The following UPK1B variants were observed in gnomAD, a reference collection of about 807,000 sequenced individuals.
The protein encoded by UPK1B is uroplakin 1B.
In UPK1B, 28 loss-of-function variants were observed where a neutral mutation model predicts 34.2. The observed-to-expected ratio is 0.82, with a 90% confidence interval of 0.61 to 1.12. The LOEUF (loss-of-function observed/expected upper bound fraction) is 1.12, where lower values mean the gene tolerates loss of function less well. Ranked by LOEUF, UPK1B falls within the 50% of genes most tolerant of loss-of-function variation. UPK1B has a pLI of 0.00. For missense variants in UPK1B, 325 were observed against 320.9 expected (o/e 1.01, Z -0.10); for synonymous variants, 81 against 110.4 (o/e 0.73, Z 1.67).
At chr3:119,187,535 T>C (rs944473491) in intron 2 of UPK1B, among the ~76,000 whole-genome samples, 2 of 152,056 alleles carry the variant, frequency 1.3e-5, no homozygotes, top group Non-Finnish European at 2.9e-5. Flanking sequence ...CCCAAGGACA[T>C]TGTGGATGGT....
intron 6 of UPK1B, 123 bp from the exon 7 acceptor site, chr3:119,198,934 G>C: frequency 9.8e-7 from 1 of 1,025,186 alleles, no homozygotes; most frequent in East Asian, 2.6e-5. Flanking sequence ...TGTGGAAATA[G>C]CCTGGATATG....
intron 3 of UPK1B, among the ~76,000 whole-genome samples, chr3:119,188,574 C>T (rs1379743862): frequency 6.6e-6 from 1 of 152,328 alleles, no homozygotes; most frequent in East Asian, 1.9e-4. Flanking sequence ...CTTCAGCTCA[C>T]ACCTGCCTGT....
chr3:119,185,726 C>T (rs991301348), intron 1 of UPK1B, among the ~76,000 whole-genome samples: 3 of 152,164 alleles, frequency 2.0e-5, no homozygotes, highest in African/African-American at 4.8e-5. Context: ...TTATTTACAG[C>T]AGGAATGCAT....
chr3:119,203,200 G>C (rs1230180075), intron 7 of UPK1B, among the ~76,000 whole-genome samples: 1 of 151,710 alleles, frequency 6.6e-6, no homozygotes, highest in Non-Finnish European at 1.5e-5. Flanking sequence ...AATTAGCCGG[G>C]CATGGTGGCG....
intron 1 of UPK1B, among the ~76,000 whole-genome samples, chr3:119,179,507 CTTTTTTTTT>C (rs71297415): frequency 1.9e-5 from 1 of 52,256 alleles, no homozygotes; most frequent in Non-Finnish European, 3.7e-5. Context: ...ATGTTGCAGT[CTTTTTTTTT>C]TTTTTTTTTT....
At chr3:119,203,460 C>T (rs1415513163) in intron 7 of UPK1B, among the ~76,000 whole-genome samples, 6 of 150,266 alleles carry the variant, frequency 4.0e-5, no homozygotes, top group East Asian at 2.0e-4. Context: ...CTATGGAATA[C>T]TATGCAGCCA....
chr3:119,190,969 C>T lies in UPK1B; in HGVS notation c.346-13C>T, dbSNP rs1478723064. On this transcript the variant is annotated splice_polypyrimidine_tract_variant and intron_variant, in intron 4 of 7. Coordinates refer to ENST00000264234, the MANE Select transcript of UPK1B (RefSeq NM_006952.4). ...GCTATCTCTCCCTCTTGTGTTGCCTCTTCCTACTATAGTTCACACCCAACC... is the reference window on the plus strand; with the variant it reads ...GCTATCTCTCCCTCTTGTGTTGCCTTTTCCTACTATAGTTCACACCCAACC... 3.7e-6 allele frequency: 6 copies of T among 1,613,112 alleles called. No individual in the cohort carries two copies. In the African/African-American group the frequency reaches 6.7e-5, roughly 18 times the overall value.
intron 3 of UPK1B, 125 bp downstream of exon 3, chr3:119,188,100 G>A: frequency 9.8e-7 from 1 of 1,015,244 alleles, no homozygotes; most frequent in South Asian, 1.4e-5. Context: ...GGGTGAGGAG[G>A]GGAAGACTTT....
At chr3:119,184,387 C>T (rs797004364) in intron 1 of UPK1B, among the ~76,000 whole-genome samples, 15 of 152,174 alleles carry the variant, frequency 9.9e-5, no homozygotes, top group African/African-American at 3.1e-4. Context: ...TTGATGTGCA[C>T]GGTCATTTTT....
chr3:119,198,785 G>A (rs1194408049), intron 6 of UPK1B, among the ~76,000 whole-genome samples: 1 of 152,140 alleles, frequency 6.6e-6, no homozygotes, highest in Non-Finnish European at 1.5e-5. Flanking sequence ...TATAGAAAGA[G>A]GGTTATGCTA....
intron 6 of UPK1B, among the ~76,000 whole-genome samples, chr3:119,196,065 A>G (rs1210036019): frequency 6.6e-6 from 1 of 152,094 alleles, no homozygotes; most frequent in Non-Finnish European, 1.5e-5. Context: ...CTACAAATTC[A>G]TCATCACTCA....
chr3:119,175,989 T>G (rs1201965100), intron 1 of UPK1B: 2 of 152,198 alleles, frequency 1.3e-5, no homozygotes, highest in Non-Finnish European at 2.9e-5. Flanking sequence ...CTCTTTTTGT[T>G]ATTTCCAGGG....
intron 1 of UPK1B, among the ~76,000 whole-genome samples, chr3:119,184,300 G>A (rs1231403169): frequency 4.6e-5 from 7 of 152,120 alleles, no homozygotes; most frequent in Non-Finnish European, 8.8e-5. Flanking sequence ...CTTGATCGGG[G>A]CCCCTGCAGT....
At chr3:119,185,573 T>C (rs1383301779) in intron 1 of UPK1B, among the ~76,000 whole-genome samples, 1 of 149,344 alleles carries the variant, frequency 6.7e-6, no homozygotes, top group Non-Finnish European at 1.5e-5. Context: ...ACTCTCACAA[T>C]ATTTCATCTC....
rs554174700 is a variant in UPK1B, at chr3:119,177,303, T to G, written c.-29+3665T>G. ...GCTCACAGGTGGGAGGTCAAGAGTT[T>G]CTCTTAATTTAAAAAGACGTAAAGG... On this transcript the variant is annotated intron_variant, in intron 1 of 7. Coordinates refer to ENST00000264234, the MANE Select transcript of UPK1B (RefSeq NM_006952.4). Among the ~76,000 whole-genome samples the G allele has an allele frequency of 2.8e-4, 42 of 152,312 alleles. 1 individual carries two copies. The highest frequency in any genetic ancestry group is 8.2e-4 in the African/African-American group (34 of 41,548).
intron 6 of UPK1B, among the ~76,000 whole-genome samples, chr3:119,198,739 A>G (rs1200275225): frequency 6.6e-6 from 1 of 152,228 alleles, no homozygotes; most frequent in Non-Finnish European, 1.5e-5. Context: ...ATTCTAATTG[A>G]ATTAAGATTT....
chr3:119,179,398 T>TATATA (rs71156734), intron 1 of UPK1B, among the ~76,000 whole-genome samples: 822 of 58,312 alleles, frequency 0.014, 26 homozygotes, highest in Non-Finnish European at 0.02. Context: ...TATATATATA[T>TATATA]TAATTCTAAG....
At chr3:119,203,435 T>A (rs1559905336) in intron 7 of UPK1B, among the ~76,000 whole-genome samples, 1 of 140,054 alleles carries the variant, frequency 7.1e-6, no homozygotes, top group African/African-American at 2.7e-5. Flanking sequence ...ATAAAGAAAA[T>A]GTGGTCCATG....
chr3:119,192,368 T>C (rs36122201), intron 5 of UPK1B, among the ~76,000 whole-genome samples: 56,070 of 152,038 alleles, frequency 0.37, 10,505 homozygotes, highest in East Asian at 0.46. Context: ...GAGTAGAATA[T>C]AGCTTTTTGC....
Sources: gnomAD v4.1 joint callset for allele counts (sites outside exome capture counted in the v4.1 genomes callset) on GRCh38, gnomAD v4.1.1 for gene constraint, MANE v1.5 for transcripts, NCBI Gene and HGNC (gene_info 2026-07-23, HGNC 2026-07-21) for gene names.